The following ARB2A variants were observed in gnomAD, a reference collection of about 807,000 sequenced individuals.
ARB2A encodes ARB2 cotranscriptional regulator A.
the ARB2A span, among the ~76,000 whole-genome samples, chr5:94,094,746 C>A: frequency 6.6e-6 from 1 of 152,112 alleles, no homozygotes; most frequent in African/African-American, 2.4e-5. Flanking sequence ...GAACAGTCCA[C>A]AAAAGAAACT....
chr5:93,996,301 CTG>C, the ARB2A span, among the ~76,000 whole-genome samples: 5 of 151,956 alleles, frequency 3.3e-5, no homozygotes, highest in Admixed American at 1.3e-4. Flanking sequence ...AAATAAATAA[CTG>C]TTTCTCCATA....
the ARB2A span, among the ~76,000 whole-genome samples, chr5:93,872,643 C>T: frequency 1.3e-5 from 2 of 152,080 alleles, no homozygotes; most frequent in South Asian, 2.1e-4. Flanking sequence ...ATTGGCCAGG[C>T]GCGGTGGCTG....
chr5:93,857,667 G>A, the ARB2A span, among the ~76,000 whole-genome samples: 3 of 152,170 alleles, frequency 2.0e-5, no homozygotes, highest in South Asian at 2.1e-4. Context: ...GGAGTGACCC[G>A]ATTTTCCAGG....
chr5:93,746,665 C>T, the ARB2A span, among the ~76,000 whole-genome samples: 1 of 152,076 alleles, frequency 6.6e-6, no homozygotes, highest in Admixed American at 6.5e-5. Flanking sequence ...AGACAGAGTA[C>T]ACAGAGAAAA....
At chr5:93,999,915 T>G in the ARB2A span, among the ~76,000 whole-genome samples, 1 of 152,140 alleles carries the variant, frequency 6.6e-6, no homozygotes, top group Non-Finnish European at 1.5e-5. Context: ...ATACAGTAGG[T>G]AGCCTGTTCA....
chr5:93,748,321 C>T, the ARB2A span, among the ~76,000 whole-genome samples: 1 of 151,716 alleles, frequency 6.6e-6, no homozygotes, highest in African/African-American at 2.4e-5. Flanking sequence ...AAGTAGAAGA[C>T]TTAGGAGAAT....
chr5:93,856,017 G>A, the ARB2A span, among the ~76,000 whole-genome samples: 12 of 151,912 alleles, frequency 7.9e-5, no homozygotes, highest in Non-Finnish European at 1.3e-4. Flanking sequence ...AAACTACTAC[G>A]AGCTACAGGA....
At chr5:93,823,029 T>C in the ARB2A span, among the ~76,000 whole-genome samples, 1 of 152,138 alleles carries the variant, frequency 6.6e-6, no homozygotes, top group Non-Finnish European at 1.5e-5. Flanking sequence ...GAGAAAAACA[T>C]GCCAAAGTCT....
chr5:94,063,432 T>C, the ARB2A span, among the ~76,000 whole-genome samples: 1 of 152,100 alleles, frequency 6.6e-6, no homozygotes, highest in Non-Finnish European at 1.5e-5. Context: ...CAGAGGTTAG[T>C]CCTACTACTG....
chr5:94,069,753 G>C, the ARB2A span, among the ~76,000 whole-genome samples: 3 of 152,116 alleles, frequency 2.0e-5, no homozygotes, highest in African/African-American at 7.2e-5. Flanking sequence ...TCTCACCCCA[G>C]TTAGAATGGC....
At chr5:93,808,549 T>C in the ARB2A span, among the ~76,000 whole-genome samples, 1 of 152,012 alleles carries the variant, frequency 6.6e-6, no homozygotes, top group South Asian at 2.1e-4. Flanking sequence ...TTCTCTATAG[T>C]GTTTAATGTA....
the ARB2A span, among the ~76,000 whole-genome samples, chr5:93,879,783 G>A: frequency 1.3e-5 from 2 of 151,168 alleles, no homozygotes; most frequent in Admixed American, 6.6e-5. Flanking sequence ...CATGTCACAG[G>A]CAAAAAAAAA....
the ARB2A span, among the ~76,000 whole-genome samples, chr5:93,999,778 C>T: frequency 6.6e-6 from 1 of 151,940 alleles, no homozygotes; most frequent in Non-Finnish European, 1.5e-5. Context: ...GATTACAGTA[C>T]CATACATAGT....
chr5:93,816,251 A>G, the ARB2A span, among the ~76,000 whole-genome samples: 1 of 152,356 alleles, frequency 6.6e-6, no homozygotes, highest in East Asian at 1.9e-4. Flanking sequence ...TTTTAAGGTT[A>G]CAAGAACACT....
At chr5:94,053,228 C>A in the ARB2A span, 2 of 1,443,974 alleles carry the variant, frequency 1.4e-6, no homozygotes, top group South Asian at 1.3e-5. Context: ...GATAATAAAT[C>A]TAGAAAAGAA....
chr5:93,808,077 G>A, the ARB2A span, among the ~76,000 whole-genome samples: 1 of 151,954 alleles, frequency 6.6e-6, no homozygotes, highest in African/African-American at 2.4e-5. Flanking sequence ...GCAACCTAGG[G>A]AGGGAACATG....
At chr5:93,778,233 G>T in the ARB2A span, among the ~76,000 whole-genome samples, 11 of 152,048 alleles carry the variant, frequency 7.2e-5, no homozygotes, top group Non-Finnish European at 1.6e-4. Flanking sequence ...AACTATAAAA[G>T]AAATAGGGTT....
the ARB2A span, chr5:93,683,795 G>T: frequency 1.6e-6 from 2 of 1,271,756 alleles, no homozygotes; most frequent in Non-Finnish European, 2.3e-6. Context: ...CAGCCGCGCA[G>T]GACGGAATCA....
At chr5:93,769,789 T>G in the ARB2A span, among the ~76,000 whole-genome samples, 1 of 152,136 alleles carries the variant, frequency 6.6e-6, no homozygotes, top group South Asian at 2.1e-4. Flanking sequence ...ACAGTAAATG[T>G]CAATAAATAC....
Sources: gnomAD v4.1 joint callset for allele counts (sites outside exome capture counted in the v4.1 genomes callset) on GRCh38, gnomAD v4.1.1 for gene constraint, MANE v1.5 for transcripts, NCBI Gene and HGNC (gene_info 2026-07-23, HGNC 2026-07-21) for gene names.